Variants in NRG3 observed in about 807,000 individuals in gnomAD.
NRG3 encodes the protein pro-neuregulin-3, membrane-bound isoform.
In NRG3, 31 loss-of-function variants were observed where a neutral mutation model predicts 66.9. The ratio of observed to expected loss-of-function variants is 0.46; its 90% CI spans 0.35 to 0.63. NRG3 has a LOEUF of 0.63. NRG3 is among the 20% of genes least tolerant of loss of function. The pLI, the probability that NRG3 is intolerant of heterozygous loss-of-function variation, is 0.00. For synonymous variants in NRG3, 393 were observed against 359.4 expected, an observed-to-expected ratio of 1.09 and a Z score of -1.06; for missense variants, 910 against 878.9, an observed-to-expected ratio of 1.04 and a Z score of -0.45.
chr10:82,299,089 C>G (rs2080243559), intron 1 of NRG3, among the ~76,000 whole-genome samples: 1 of 152,036 alleles, frequency 6.6e-6, no homozygotes, highest in Non-Finnish European at 1.5e-5. Flanking sequence ...AGCACCCCAC[C>G]CACCATGGAG....
intron 1 of NRG3, among the ~76,000 whole-genome samples, chr10:81,962,762 T>C (rs1254927898): frequency 6.6e-6 from 1 of 152,214 alleles, no homozygotes; most frequent in Non-Finnish European, 1.5e-5. Context: ...AGATGGCTCC[T>C]CCAGTCACAT....
rs560479352 is a variant in NRG3, at chr10:82,151,689, G to A, written c.824-207050G>A. ...TCTTGATGAATGAAGAAGGCAAACT[G>A]AGCCTTGTTTTTTCCCTTATTGTCT... On this transcript the variant is annotated intron_variant, in intron 1 of 8. Coordinates refer to ENST00000372141, the MANE Select transcript of NRG3 (RefSeq NM_001010848.4). 1.3e-4 allele frequency among the ~76,000 whole-genome samples: 18 copies of A among 141,876 alleles called. No homozygotes were observed. The East Asian group carries it at 3.4e-3, about 27-fold the overall frequency. The allele number at this position is 141,876 out of a possible 152,430, so 93.1% of individuals were successfully genotyped here.
chr10:82,128,207 G>A (rs2068579766), intron 1 of NRG3, among the ~76,000 whole-genome samples: 1 of 151,836 alleles, frequency 6.6e-6, no homozygotes, highest in Non-Finnish European at 1.5e-5. Context: ...TATTAATAAT[G>A]CACCATCACT....
At chr10:82,181,596 T>A (rs1440251740) in intron 1 of NRG3, among the ~76,000 whole-genome samples, 2 of 151,862 alleles carry the variant, frequency 1.3e-5, no homozygotes, top group African/African-American at 4.8e-5. Context: ...TTATTTCTAA[T>A]TTCATTCCAC....
chr10:82,006,811 A>G (rs918007959), intron 1 of NRG3, among the ~76,000 whole-genome samples: 2 of 152,134 alleles, frequency 1.3e-5, no homozygotes, highest in African/African-American at 2.4e-5. Flanking sequence ...TCCTTAAACT[A>G]TATACACTGT....
chr10:82,124,227 A>C (rs1436694300), intron 1 of NRG3, among the ~76,000 whole-genome samples: 1 of 151,992 alleles, frequency 6.6e-6, no homozygotes, highest in East Asian at 1.9e-4. Flanking sequence ...TTTCGAACTG[A>C]TGAATCCTGT....
chr10:82,753,366 A>G (rs1041139581), intron 3 of NRG3, among the ~76,000 whole-genome samples: 1 of 151,918 alleles, frequency 6.6e-6, no homozygotes, highest in Admixed American at 6.6e-5. Context: ...ATTGATTTGT[A>G]GGAGCTATTT....
intron 4 of NRG3, among the ~76,000 whole-genome samples, chr10:82,945,096 A>G (rs928269361): frequency 6.6e-6 from 1 of 152,188 alleles, no homozygotes; most frequent in Non-Finnish European, 1.5e-5. Flanking sequence ...CACGGTATGA[A>G]GAATTTTGTG....
chr10:82,080,724 A>G (rs1444179720), intron 1 of NRG3, among the ~76,000 whole-genome samples: 1 of 152,182 alleles, frequency 6.6e-6, no homozygotes, highest in African/African-American at 2.4e-5. Context: ...TTTAAAAAAA[A>G]TGTGGTAAAA....
chr10:82,049,763 G>C (rs11813285), intron 1 of NRG3, among the ~76,000 whole-genome samples: 2 of 151,436 alleles, frequency 1.3e-5, no homozygotes, highest in African/African-American at 2.4e-5. Flanking sequence ...ATCAATAGCT[G>C]CAATAGATGG....
intron 2 of NRG3, among the ~76,000 whole-genome samples, chr10:82,677,760 GT>G (rs1271157430): frequency 7.9e-5 from 12 of 152,156 alleles, no homozygotes; most frequent in African/African-American, 2.9e-4. Context: ...TTATTAAAAA[GT>G]TTTAGAGCAA....
intron 1 of NRG3, among the ~76,000 whole-genome samples, chr10:82,108,351 A>T (rs1010178362): frequency 2.2e-4 from 33 of 152,226 alleles, no homozygotes; most frequent in Admixed American, 1.1e-3. Context: ...CAGAGAATTG[A>T]TTTATAGTGT....
At chr10:81,945,107 C>G (rs781090172) in intron 1 of NRG3, among the ~76,000 whole-genome samples, 3 of 152,132 alleles carry the variant, frequency 2.0e-5, no homozygotes, top group Non-Finnish European at 4.4e-5. Flanking sequence ...CTTTCTCTTC[C>G]TGAATCCTTG....
intron 3 of NRG3, among the ~76,000 whole-genome samples, chr10:82,808,577 A>G (rs1249583514): frequency 4.6e-5 from 7 of 152,132 alleles, no homozygotes; most frequent in African/African-American, 1.7e-4. Flanking sequence ...TAGCCTTAGA[A>G]TGAAAAAAAT....
chr10:82,792,223 T>A (rs1170234460), intron 3 of NRG3, among the ~76,000 whole-genome samples: 2 of 150,450 alleles, frequency 1.3e-5, no homozygotes, highest in Non-Finnish European at 3.0e-5. Context: ...TGGAGGGACT[T>A]ACTTTATCAT....
At chr10:82,856,455 G>C (rs1182136906) in intron 3 of NRG3, among the ~76,000 whole-genome samples, 1 of 151,908 alleles carries the variant, frequency 6.6e-6, no homozygotes, top group Non-Finnish European at 1.5e-5. Context: ...TAGATAAAAG[G>C]ATATGTGGGC....
chr10:82,357,372 G>A (rs1362101367), intron 1 of NRG3, among the ~76,000 whole-genome samples: 1 of 152,198 alleles, frequency 6.6e-6, no homozygotes. Context: ...CATCAGTTGT[G>A]ACGATAATCA....
intron 4 of NRG3, among the ~76,000 whole-genome samples, chr10:82,890,713 T>C (rs921866513): frequency 6.6e-6 from 1 of 152,228 alleles, no homozygotes; most frequent in African/African-American, 2.4e-5. Flanking sequence ...GTGGTTTTGT[T>C]GTTTTGTCCT....
intron 3 of NRG3, among the ~76,000 whole-genome samples, chr10:82,757,324 G>GGAGAGTGA (rs1467558371): frequency 6.6e-6 from 1 of 151,994 alleles, no homozygotes; most frequent in African/African-American, 2.4e-5. Context: ...GTGTTGGGTT[G>GGAGAGTGA]GAGAGTGACA....
Sources: allele counts gnomAD v4.1 joint callset (sites outside exome capture counted in the v4.1 genomes callset), GRCh38; gene constraint gnomAD v4.1.1; transcripts MANE v1.5; gene names NCBI Gene and HGNC (gene_info 2026-07-23, HGNC 2026-07-21).